The following CSMD1 variants were observed in gnomAD, a reference collection of about 807,000 sequenced individuals.
CSMD1 encodes the protein CUB and Sushi multiple domains 1, also known as CUB and sushi domain-containing protein 1.
In CSMD1, 213 loss-of-function variants were observed where a neutral mutation model predicts 417.5. The observed-to-expected ratio is 0.51, with a 90% CI of 0.46 to 0.57. The LOEUF (loss-of-function observed/expected upper bound fraction) is 0.57. Ranked by LOEUF, CSMD1 falls within the 20% of genes least tolerant of loss-of-function variation. The pLI is 0.00. For synonymous variants in CSMD1, 2,862 were observed against 1,736.8 expected (o/e 1.65, Z -16.11); for missense variants, 6,923 against 4,529.7 (o/e 1.53, Z -15.17).
At chr8:4,587,104 G>A (rs1001430310) in intron 2 of CSMD1, among the ~76,000 whole-genome samples, 5 of 152,080 alleles carry the variant, frequency 3.3e-5, no homozygotes, top group African/African-American at 1.2e-4. Flanking sequence ...ATATCCTACA[G>A]AGGCCAATAG....
At chr8:3,861,074 G>A (rs1804669783) in intron 5 of CSMD1, among the ~76,000 whole-genome samples, 1 of 152,096 alleles carries the variant, frequency 6.6e-6, no homozygotes, top group African/African-American at 2.4e-5. Context: ...TTCAGTATCA[G>A]CTGTAATGCC....
chr8:3,964,922 T>C (rs139638459), intron 5 of CSMD1, among the ~76,000 whole-genome samples: 3 of 152,336 alleles, frequency 2.0e-5, no homozygotes, highest in Non-Finnish European at 2.9e-5. Flanking sequence ...AGTTCTTAAA[T>C]ATTTGTCTTC....
intron 7 of CSMD1, among the ~76,000 whole-genome samples, chr8:3,626,162 G>A (rs545755871): frequency 2.6e-5 from 4 of 152,244 alleles, no homozygotes; most frequent in East Asian, 3.9e-4. Context: ...AAAGAGCGAC[G>A]TCTCTATGCC....
intron 7 of CSMD1, among the ~76,000 whole-genome samples, chr8:3,672,517 A>G (rs935197541): frequency 6.6e-6 from 1 of 152,208 alleles, no homozygotes; most frequent in Admixed American, 6.5e-5. Flanking sequence ...GATTATATAA[A>G]CTTTACAAGA....
intron 3 of CSMD1, among the ~76,000 whole-genome samples, chr8:4,116,756 G>T (rs550154905): frequency 2.6e-4 from 39 of 152,140 alleles, no homozygotes; most frequent in African/African-American, 4.3e-4. Flanking sequence ...GGAGAGGCAG[G>T]GGGTGCGGGA....
At chr8:3,756,367 A>T (rs949180244) in intron 5 of CSMD1, among the ~76,000 whole-genome samples, 2 of 144,256 alleles carry the variant, frequency 1.4e-5, no homozygotes, top group Non-Finnish European at 3.1e-5. Context: ...AAAAAAAAAA[A>T]TCATTAGTTT....
At chr8:3,120,706 G>C (rs554472602) in intron 41 of CSMD1, among the ~76,000 whole-genome samples, 24 of 147,342 alleles carry the variant, frequency 1.6e-4, no homozygotes, top group African/African-American at 3.4e-4. Context: ...AATTAGCCAG[G>C]GGGGGTGACC....
intron 4 of CSMD1, among the ~76,000 whole-genome samples, chr8:3,998,904 T>G (rs1022890420): frequency 6.7e-6 from 1 of 149,106 alleles, no homozygotes. Context: ...ATATGGTAGT[T>G]TATATATAAA....
chr8:4,763,445 A>G (rs115973666), intron 1 of CSMD1, among the ~76,000 whole-genome samples: 6 of 152,298 alleles, frequency 3.9e-5, no homozygotes, highest in African/African-American at 1.2e-4. Flanking sequence ...AGAAGGGTGC[A>G]TTATTTATAA....
At chr8:4,762,859 G>C (rs559907581) in intron 1 of CSMD1, among the ~76,000 whole-genome samples, 5 of 152,312 alleles carry the variant, frequency 3.3e-5, no homozygotes, top group Non-Finnish European at 5.9e-5. Flanking sequence ...ATGTATTGGA[G>C]TTAATAATAT....
chr8:4,002,025 T>A (rs1815719242), intron 4 of CSMD1, among the ~76,000 whole-genome samples: 1 of 152,206 alleles, frequency 6.6e-6, no homozygotes, highest in Non-Finnish European at 1.5e-5. Flanking sequence ...ATATTAGAAT[T>A]GTTTGTATAG....
chr8:3,061,603 A>C (rs1031380252), intron 49 of CSMD1, among the ~76,000 whole-genome samples: 1 of 152,130 alleles, frequency 6.6e-6, no homozygotes, highest in Non-Finnish European at 1.5e-5. Flanking sequence ...TTGAGCTTAC[A>C]CGAACCAGCA....
chr8:4,257,130 A>G (rs1803515033), intron 3 of CSMD1, among the ~76,000 whole-genome samples: 1 of 152,174 alleles, frequency 6.6e-6, no homozygotes. Context: ...CATACTCACC[A>G]CATTTGTTAC....
intron 7 of CSMD1, among the ~76,000 whole-genome samples, chr8:3,655,028 T>A (rs1029368903): frequency 6.6e-6 from 1 of 152,248 alleles, no homozygotes; most frequent in African/African-American, 2.4e-5. Flanking sequence ...TTTTTAAATT[T>A]AATTAAAATA....
chr8:4,194,446 A>C (rs758504690), intron 3 of CSMD1, among the ~76,000 whole-genome samples: 9 of 152,178 alleles, frequency 5.9e-5, no homozygotes, highest in Non-Finnish European at 1.0e-4. Flanking sequence ...AATGGTGACA[A>C]AGGCCTGAAT....
chr8:3,960,306 A>C (rs1037140688), intron 5 of CSMD1, among the ~76,000 whole-genome samples: 2 of 152,200 alleles, frequency 1.3e-5, no homozygotes, highest in Admixed American at 1.3e-4. Flanking sequence ...GTTACTCTGC[A>C]AACCTTTAAA....
At chr8:4,663,113 G>A (rs1804704629) in intron 1 of CSMD1, among the ~76,000 whole-genome samples, 1 of 152,156 alleles carries the variant, frequency 6.6e-6, no homozygotes, top group East Asian at 1.9e-4. Context: ...GATCACGTGG[G>A]CTTAGGACGC....
At chr8:3,181,072 T>C (rs1163859666) in intron 37 of CSMD1, 38 bp downstream of exon 37, 3 of 1,292,432 alleles carry the variant, frequency 2.3e-6, no homozygotes, top group Non-Finnish European at 3.4e-6. Context: ...TGACTCAGTA[T>C]AACAGTGGAA....
At chr8:3,780,873 T>A (rs1799140176) in intron 5 of CSMD1, among the ~76,000 whole-genome samples, 1 of 152,224 alleles carries the variant, frequency 6.6e-6, no homozygotes, top group Non-Finnish European at 1.5e-5. Flanking sequence ...TTTTGAGATT[T>A]GCAGAGTGTG....
Sources: allele counts gnomAD v4.1 joint callset (sites outside exome capture counted in the v4.1 genomes callset), GRCh38; gene constraint gnomAD v4.1.1; transcripts MANE v1.5; gene names NCBI Gene and HGNC (gene_info 2026-07-23, HGNC 2026-07-21).